Variants in SCUBE1 observed in about 807,000 individuals in gnomAD.
The protein encoded by SCUBE1 is signal peptide, CUB and EGF-like domain-containing protein 1.
A neutral mutation model predicts 124.4 loss-of-function variants in SCUBE1; 59 were observed. That is an observed-to-expected ratio of 0.47 (90% CI 0.38 to 0.59). SCUBE1 has a LOEUF of 0.59. Ranked by LOEUF, SCUBE1 falls within the 20% of genes least tolerant of loss-of-function variation. The pLI is 0.00. For missense variants in SCUBE1, 1,150 were observed against 1,371.2 expected (o/e 0.84, Z 2.55); for synonymous variants, 545 against 550.9 (o/e 0.99, Z 0.15).
chr22:43,325,644 G>T (rs902316002), intron 2 of SCUBE1, among the ~76,000 whole-genome samples: 8 of 152,054 alleles, frequency 5.3e-5, no homozygotes, highest in Non-Finnish European at 1.2e-4. Context: ...AGCTTTCAGA[G>T]CCCTGACACA....
At chr22:43,222,480 C>T (rs1294039919) in intron 12 of SCUBE1, among the ~76,000 whole-genome samples, 158 bp downstream of exon 12, 2 of 152,334 alleles carry the variant, frequency 1.3e-5, no homozygotes, top group East Asian at 3.9e-4. Context: ...CTTCTAGGTC[C>T]TGGGCCTGGC....
intron 21 of SCUBE1, among the ~76,000 whole-genome samples, chr22:43,206,320 CCA>C (rs904726016): frequency 6.6e-6 from 1 of 151,592 alleles, no homozygotes; most frequent in African/African-American, 2.4e-5. Flanking sequence ...ACCACAGTCA[CCA>C]CACACACTGA....
At chr22:43,339,491 T>C (rs998839690) in intron 1 of SCUBE1, among the ~76,000 whole-genome samples, 1 of 151,954 alleles carries the variant, frequency 6.6e-6, no homozygotes, top group Non-Finnish European at 1.5e-5. Flanking sequence ...CATTGAGCTA[T>C]TGTTCTGCTA....
At chr22:43,305,926 T>C (rs944464103) in intron 3 of SCUBE1, among the ~76,000 whole-genome samples, 4 of 152,102 alleles carry the variant, frequency 2.6e-5, no homozygotes, top group African/African-American at 9.7e-5. Flanking sequence ...CTGCCAGCAG[T>C]CTATTTCTAG....
At chr22:43,260,696 A>G (rs7286387) in intron 5 of SCUBE1, among the ~76,000 whole-genome samples, 5,707 of 152,290 alleles carry the variant, frequency 0.037, 226 homozygotes, top group East Asian at 0.15. Context: ...CAGAAATCAC[A>G]TCGGGCTCTC....
chr22:43,275,234 C>A (rs1373808991), intron 4 of SCUBE1, among the ~76,000 whole-genome samples: 2 of 152,226 alleles, frequency 1.3e-5, no homozygotes, highest in African/African-American at 2.4e-5. Flanking sequence ...AGCCGGCAGA[C>A]CTGCAAGCTG....
chr22:43,315,320 A>T (rs1309476203), intron 3 of SCUBE1, among the ~76,000 whole-genome samples: 1 of 152,006 alleles, frequency 6.6e-6, no homozygotes, highest in Non-Finnish European at 1.5e-5. Context: ...CTAGAGGAAC[A>T]GGTCCCGAAC....
chr22:43,287,646 T>G (rs531826834), intron 4 of SCUBE1, among the ~76,000 whole-genome samples: 39 of 152,322 alleles, frequency 2.6e-4, no homozygotes, highest in Middle Eastern at 3.4e-3. Context: ...CTTTTCTCCC[T>G]GTTCAGGGGT....
intron 4 of SCUBE1, among the ~76,000 whole-genome samples, chr22:43,263,983 C>T (rs1353265451): frequency 6.6e-6 from 1 of 152,216 alleles, no homozygotes; most frequent in East Asian, 1.9e-4. Flanking sequence ...CTGAGTCACA[C>T]AGATAGTGGC....
intron 12 of SCUBE1, among the ~76,000 whole-genome samples, chr22:43,221,681 G>A (rs1922097186): frequency 6.6e-6 from 1 of 152,186 alleles, no homozygotes; most frequent in African/African-American, 2.4e-5. Context: ...ATCCAGGACT[G>A]CCGGTTCCTT....
intron 21 of SCUBE1, 102 bp downstream of exon 21, chr22:43,207,432 C>T (rs957429628): frequency 1.1e-6 from 1 of 877,906 alleles, no homozygotes; most frequent in African/African-American, 1.6e-5. Flanking sequence ...CACCCACCCT[C>T]CCTTGCTCCT....
At chr22:43,256,754 C>A (rs1013274322) in intron 6 of SCUBE1, among the ~76,000 whole-genome samples, 1 of 152,206 alleles carries the variant, frequency 6.6e-6, no homozygotes, top group African/African-American at 2.4e-5. Flanking sequence ...GCAAACCCTG[C>A]GGAAGACCTT....
intron 4 of SCUBE1, among the ~76,000 whole-genome samples, chr22:43,284,760 C>T (rs866695329): frequency 6.7e-6 from 1 of 148,908 alleles, no homozygotes; most frequent in African/African-American, 2.6e-5. Flanking sequence ...TCATCATCGT[C>T]ATCGTCGTCG....
At chr22:43,212,242 G>A (rs1921593342) in intron 17 of SCUBE1, among the ~76,000 whole-genome samples, 183 bp downstream of exon 17, 1 of 152,224 alleles carries the variant, frequency 6.6e-6, no homozygotes, top group Admixed American at 6.5e-5. Context: ...CAGCTATAAG[G>A]TGTCCCTGTC....
intron 7 of SCUBE1, 97 bp from the exon 8 acceptor site, chr22:43,231,972 C>G (rs1922572790): frequency 1.4e-6 from 2 of 1,464,436 alleles, no homozygotes; most frequent in Admixed American, 3.5e-5. Flanking sequence ...GATGACACTG[C>G]CCTGAGTTGC....
At chr22:43,260,268 AC>A (rs1267821198) in intron 5 of SCUBE1, among the ~76,000 whole-genome samples, 1 of 152,228 alleles carries the variant, frequency 6.6e-6, no homozygotes, top group Non-Finnish European at 1.5e-5. Context: ...TGTTCCCTCC[AC>A]ATAGTCATTT....
chr22:43,209,340 C>T (rs1921438695), intron 19 of SCUBE1, among the ~76,000 whole-genome samples: 1 of 152,214 alleles, frequency 6.6e-6, no homozygotes, highest in Non-Finnish European at 1.5e-5. Flanking sequence ...CACATGGGCA[C>T]CCACAGCCCG....
chr22:43,251,897 G>A (rs558757762), intron 6 of SCUBE1, among the ~76,000 whole-genome samples: 1 of 152,300 alleles, frequency 6.6e-6, no homozygotes, highest in Middle Eastern at 3.4e-3. Context: ...GCTGACCAGC[G>A]TGGCGCGTAG....
chr22:43,214,688 AC>A (rs1184002345), intron 15 of SCUBE1, among the ~76,000 whole-genome samples: 8 of 152,066 alleles, frequency 5.3e-5, no homozygotes, highest in African/African-American at 1.9e-4. Context: ...GTGGGGAGGG[AC>A]TGGGGCTCAA....
Sources: allele counts gnomAD v4.1 joint callset (sites outside exome capture counted in the v4.1 genomes callset), GRCh38; gene constraint gnomAD v4.1.1; transcripts MANE v1.5; gene names NCBI Gene and HGNC (gene_info 2026-07-23, HGNC 2026-07-21).